Variants in ATRX observed in about 807,000 individuals in gnomAD.
The protein encoded by ATRX is chromatin remodeler ATRX.
ATRX carries 12 observed loss-of-function variants against 172.6 expected under a neutral mutation model. The ratio of observed to expected loss-of-function variants is 0.07; its 90% CI spans 0.04 to 0.11. The LOEUF (loss-of-function observed/expected upper bound fraction) is 0.11, where lower values mean the gene tolerates loss of function less well. Among genes scored for constraint, ATRX ranks in the 10% least tolerant of loss-of-function variants. ATRX has a pLI of 1.00. For synonymous variants in ATRX, 674 were observed against 594.7 expected (o/e 1.13, Z -1.94); for missense variants, 1,368 against 1,767.4 (o/e 0.77, Z 4.05).
At chrX:77,734,702 G>A (rs982621993) in intron 1 of ATRX, among the ~76,000 whole-genome samples, 4 of 110,607 alleles carry the variant, frequency 3.6e-5, no homozygotes, top group African/African-American at 1.3e-4. Flanking sequence ...CAGGAGAATC[G>A]CTTGAACGCA....
At chrX:77,733,014 A>G (rs1366397855) in intron 1 of ATRX, among the ~76,000 whole-genome samples, 1 of 112,197 alleles carries the variant, frequency 8.9e-6, no homozygotes, top group Non-Finnish European at 1.9e-5. Flanking sequence ...AAAAACCTAC[A>G]GACTCTACAA....
Position 77,620,258 on chromosome X carries a change from C to A in ATRX, c.5272+137G>T. ...TGAAAAGTATGTTATTCTTTCACAG[C>A]AGACTAAGATGAACCTATGTAGATC... is the stretch of plus-strand genomic sequence containing the variant. On this transcript the variant is annotated intron_variant, in intron 20 of 34. Transcript: ENST00000373344. 4.8e-6 allele frequency: 3 copies of A among 624,755 alleles called. No individual in the cohort carries two copies. The South Asian group carries it at 9.6e-5, about 20-fold the overall frequency. 51.5% of individuals were successfully genotyped at this position (624,755 alleles called of 1,213,427 possible).
chrX:77,653,212 A>T (rs1603091214), intron 14 of ATRX, among the ~76,000 whole-genome samples: 1 of 111,403 alleles, frequency 9.0e-6, no homozygotes, highest in Admixed American at 9.5e-5. Context: ...TATACCTAGA[A>T]TAATTAAAAA....
chrX:77,773,528 C>A (rs1400535272), intron 1 of ATRX, among the ~76,000 whole-genome samples: 1 of 111,036 alleles, frequency 9.0e-6, no homozygotes, highest in Non-Finnish European at 1.9e-5. Flanking sequence ...CCAAGGCGGG[C>A]GGATCACGAA....
chrX:77,583,838 A>G (rs1242193383), intron 27 of ATRX, among the ~76,000 whole-genome samples: 1 of 111,806 alleles, frequency 8.9e-6, no homozygotes, highest in Non-Finnish European at 1.9e-5. Flanking sequence ...AAAATTGGAA[A>G]GAAAAAAATC....
chrX:77,674,531 G>A (rs1415783693), intron 10 of ATRX: 6 of 110,945 alleles, frequency 5.4e-5, no homozygotes, highest in Admixed American at 1.9e-4. Context: ...AGAGAGATAC[G>A]ATCAGGTAAC....
intron 3 of ATRX, among the ~76,000 whole-genome samples, chrX:77,698,122 TA>T (rs2072288342): frequency 1.8e-5 from 2 of 111,852 alleles, no homozygotes; most frequent in African/African-American, 6.5e-5. Flanking sequence ...ATAATCAATA[TA>T]TTTTACTGGA....
intron 30 of ATRX, among the ~76,000 whole-genome samples, chrX:77,538,310 T>C (rs2063831890): frequency 9.1e-6 from 1 of 109,757 alleles, no homozygotes; most frequent in African/African-American, 3.3e-5. Context: ...AATCATGTCT[T>C]TTGCCACAAC....
intron 22 of ATRX, among the ~76,000 whole-genome samples, chrX:77,608,290 A>G (rs782590291): frequency 1.6e-3 from 171 of 106,625 alleles, no homozygotes; most frequent in African/African-American, 5.5e-3. Flanking sequence ...AATGGCGTGA[A>G]CCCAGGAGGC....
intron 34 of ATRX, among the ~76,000 whole-genome samples, chrX:77,512,784 G>A (rs2062914113): frequency 9.0e-6 from 1 of 110,779 alleles, no homozygotes. Flanking sequence ...CAGGAGAATC[G>A]CTCAAACCCG....
intron 1 of ATRX, among the ~76,000 whole-genome samples, chrX:77,745,322 A>G (rs935718226): frequency 9.9e-5 from 11 of 110,908 alleles, no homozygotes; most frequent in Non-Finnish European, 2.1e-4. Flanking sequence ...AATAACCAAG[A>G]TTTGGAAGTA....
intron 25 of ATRX, chrX:77,596,895 C>A (rs2148128528): frequency 9.0e-6 from 1 of 111,052 alleles, no homozygotes; most frequent in African/African-American, 3.3e-5. Context: ...ATGATGCACA[C>A]TGACTGGTCT....
Position 77,505,692 on chromosome X carries a change from A to G in ATRX, c.*2659T>C, listed in dbSNP as rs2062693606. The stretch of plus-strand genomic sequence containing the variant: ...ATGTGCACAGATTTTCAAAGCTGTG[A>G]AAATACAATAAAGAGCACAACACAT... On this transcript the variant is annotated 3_prime_UTR_variant, in exon 35 of 35. Coordinates refer to ENST00000373344, the MANE Select transcript of ATRX (RefSeq NM_000489.6). 1 of 172,563 alleles carries G rather than the reference A, an allele frequency of 5.8e-6. No homozygotes were observed. The highest frequency in any genetic ancestry group is 8.2e-5 in the East Asian group (1 of 12,140). 14.2% of individuals were successfully genotyped at this position (172,563 alleles called of 1,213,427 possible).
intron 30 of ATRX, among the ~76,000 whole-genome samples, chrX:77,529,480 C>T (rs1163279078): frequency 9.0e-6 from 1 of 111,072 alleles, no homozygotes; most frequent in Non-Finnish European, 1.9e-5. Context: ...ACCTGTAAGC[C>T]GGAAGAGATT....
chrX:77,622,231 T>C (rs188605796), intron 19 of ATRX, among the ~76,000 whole-genome samples: 31 of 112,048 alleles, frequency 2.8e-4, no homozygotes, highest in Non-Finnish European at 1.3e-4. Flanking sequence ...CAGCACGGTT[T>C]GTTACGGAGG....
chrX:77,621,113 A>T (rs1168501396), intron 19 of ATRX, among the ~76,000 whole-genome samples: 1 of 111,409 alleles, frequency 9.0e-6, no homozygotes, highest in Non-Finnish European at 1.9e-5. Context: ...GGGTAGGGAG[A>T]ACAGCTTTTA....
At chrX:77,603,999 T>A (rs143747074) in intron 22 of ATRX, among the ~76,000 whole-genome samples, 1,748 of 112,224 alleles carry the variant, frequency 0.016, 29 homozygotes, top group African/African-American at 0.054. Flanking sequence ...GATTAAAGAC[T>A]TAAATGTAAG....
At chrX:77,761,356 G>C (rs183543250) in intron 1 of ATRX, among the ~76,000 whole-genome samples, 1 of 110,027 alleles carries the variant, frequency 9.1e-6, no homozygotes, top group Non-Finnish European at 1.9e-5. Context: ...TGGGCAACAC[G>C]GCAAAACCCA....
In ATRX at chrX:77,694,042, C is replaced by T. The variant is rs1603240766; in HGVS notation, c.371-105G>A. 1.2e-5 allele frequency: 8 copies of T among 641,858 alleles called. No homozygotes were observed. The East Asian group carries it at 2.7e-4, about 22-fold the overall frequency. 52.9% of individuals were successfully genotyped at this position (641,858 alleles called of 1,213,427 possible). A position where few individuals can be genotyped will look rare whatever the true frequency, so the allele number is the denominator to read the frequency against. ...AACATTGCTGGTACATAGTTTGTTT[C>T]TTTCAAGCTTTAGATATTGGTGTAA... On this transcript the variant is annotated intron_variant, in intron 5 of 34. Transcript: ENST00000373344.
Sources: allele counts gnomAD v4.1 joint callset (sites outside exome capture counted in the v4.1 genomes callset), GRCh38; gene constraint gnomAD v4.1.1; transcripts MANE v1.5; gene names NCBI Gene and HGNC (gene_info 2026-07-23, HGNC 2026-07-21).